SORCS2: variants seen among roughly 807,000 people sequenced by gnomAD.
SORCS2 encodes sortilin related VPS10 domain containing receptor 2.
SORCS2 carries 100 observed loss-of-function variants against 141.6 expected under a neutral mutation model. The ratio of observed to expected loss-of-function variants is 0.71; its 90% CI spans 0.60 to 0.83. The LOEUF is 0.83. Among genes scored for constraint, SORCS2 ranks in the 40% least tolerant of loss-of-function variants. The pLI, the probability that SORCS2 is intolerant of heterozygous loss-of-function variation, is 0.00. For missense variants in SORCS2, 1,646 were observed against 1,560.2 expected (o/e 1.05, Z -0.93); for synonymous variants, 789 against 676.9 (o/e 1.17, Z -2.57).
chr4:7,721,311 C>T (rs1173790669), intron 18 of SORCS2, among the ~76,000 whole-genome samples: 1 of 151,996 alleles, frequency 6.6e-6, no homozygotes, highest in Non-Finnish European at 1.5e-5. Flanking sequence ...CTAAAAAAAA[C>T]AAAACTTAGC....
At chr4:7,691,595 C>A (rs1724260196) in intron 11 of SORCS2, among the ~76,000 whole-genome samples, 1 of 152,130 alleles carries the variant, frequency 6.6e-6, no homozygotes, top group East Asian at 1.9e-4. Flanking sequence ...CCCATCTGGA[C>A]AGCCTCTGTC....
intron 8 of SORCS2, among the ~76,000 whole-genome samples, chr4:7,671,584 G>A (rs922107767): frequency 1.3e-5 from 2 of 152,002 alleles, no homozygotes; most frequent in Non-Finnish European, 2.9e-5. Flanking sequence ...TTTACTAGAG[G>A]GATTCGAAAG....
At chr4:7,520,809 C>T (rs906292547) in intron 2 of SORCS2, among the ~76,000 whole-genome samples, 7 of 152,224 alleles carry the variant, frequency 4.6e-5, no homozygotes, top group Admixed American at 1.3e-4. Flanking sequence ...CCATGGGTAA[C>T]GCACAGGTGA....
intron 1 of SORCS2, among the ~76,000 whole-genome samples, chr4:7,390,564 C>T (rs573090835): frequency 8.2e-4 from 125 of 152,286 alleles, no homozygotes; most frequent in African/African-American, 2.9e-3. Flanking sequence ...GGGATTATTG[C>T]GCGTCTCTCC....
intron 2 of SORCS2, among the ~76,000 whole-genome samples, chr4:7,437,331 A>G (rs1727374411): frequency 6.6e-6 from 1 of 152,234 alleles, no homozygotes; most frequent in African/African-American, 2.4e-5. Flanking sequence ...GAGGCTGTGT[A>G]CAAGGCAAGG....
At position 7,729,697 on chromosome 4, in the gene SORCS2, C is replaced by A. The variant is rs907763419; in HGVS notation, c.3093C>A (p.Ser1031Arg). The change falls in exon 23 of 27, where the codon AGC becomes AGA. Residue 1031 changes from serine to arginine, a missense_variant. Ser to Arg is a moderately radical substitution (Grantham distance 110). Coordinates refer to ENST00000507866, the MANE Select transcript of SORCS2 (RefSeq NM_020777.3). ...CTCCCAGGCCCACAAGGAAGAGGAG[C>A]CTCTCGAGTGATAAGGTATGTCCTG... ...LPPPRPTRKR[S>R]LSSDKRLAAI... 9 of 1,610,872 alleles carry A rather than the reference C, an allele frequency of 5.6e-6. No homozygotes were observed. Among genetic ancestry groups the A allele is most frequent in the South Asian group, 1.1e-5 (1 of 90,124 alleles).
chr4:7,282,182 A>T (rs1264887370), intron 1 of SORCS2, among the ~76,000 whole-genome samples: 2 of 152,164 alleles, frequency 1.3e-5, no homozygotes, highest in Non-Finnish European at 1.5e-5. Flanking sequence ...AGATGGGAAG[A>T]TCCTATCAGT....
Position 7,697,203 on chromosome 4 carries a change from C to G in SORCS2, c.1597C>G (p.Leu533Val). 6.3e-7 allele frequency: 1 copy of G among 1,581,064 alleles called. No individual in the cohort carries two copies. Among genetic ancestry groups the G allele is most frequent in the South Asian group, 1.2e-5 (1 of 85,900 alleles). ...CCCCTTTTCTTTTGGACCAGGTAAC[C>G]TGGGCTCACAGCTGGTGGAATATAA... ...APGLIMGAGN[L>V]GSQLVEYKEE... Residue 533 changes from leucine to valine, a missense_variant, in exon 12 of 27, where the codon CTG becomes GTG. Physicochemically the swap from Leu to Val is conservative, Grantham distance 32. Transcript: ENST00000507866.
chr4:7,436,311 A>G (rs1727295589), intron 2 of SORCS2, among the ~76,000 whole-genome samples: 1 of 152,226 alleles, frequency 6.6e-6, no homozygotes, highest in Non-Finnish European at 1.5e-5. Flanking sequence ...CTATGGGCTT[A>G]TGATGGGCCT....
At chr4:7,436,452 C>T (rs983552510) in intron 2 of SORCS2, among the ~76,000 whole-genome samples, 2 of 152,252 alleles carry the variant, frequency 1.3e-5, no homozygotes, top group African/African-American at 4.8e-5. Flanking sequence ...GCCAGACTTC[C>T]TGCGAGTCTC....
At chr4:7,231,670 G>C (rs1385111477) in intron 1 of SORCS2, among the ~76,000 whole-genome samples, 1 of 152,218 alleles carries the variant, frequency 6.6e-6, no homozygotes, top group Non-Finnish European at 1.5e-5. Flanking sequence ...GGACCATCCT[G>C]CACCAGGGGC....
chr4:7,290,145 A>G (rs867143374), intron 1 of SORCS2, among the ~76,000 whole-genome samples: 4 of 152,156 alleles, frequency 2.6e-5, no homozygotes, highest in Non-Finnish European at 2.9e-5. Flanking sequence ...GGCTGGCCCC[A>G]GGGGAGGTGG....
At chr4:7,662,518 C>G (rs905429530) in intron 6 of SORCS2, among the ~76,000 whole-genome samples, 3 of 152,290 alleles carry the variant, frequency 2.0e-5, no homozygotes, top group East Asian at 3.9e-4. Context: ...CTACTGATCA[C>G]CTGTGTCCCC....
At chr4:7,488,931 C>G (rs1731153014) in intron 2 of SORCS2, among the ~76,000 whole-genome samples, 1 of 152,212 alleles carries the variant, frequency 6.6e-6, no homozygotes, top group Non-Finnish European at 1.5e-5. Context: ...TCCGCACTTG[C>G]TTGGACTACC....
chr4:7,451,092 CTGAGTGAGTGAA>C (rs1190052942), intron 2 of SORCS2, among the ~76,000 whole-genome samples: 2 of 151,244 alleles, frequency 1.3e-5, no homozygotes, highest in African/African-American at 2.4e-5. Context: ...GCATGAGTGA[CTGAGTGAGTGAA>C]TGAGTGAGTG....
intron 1 of SORCS2, among the ~76,000 whole-genome samples, chr4:7,212,129 A>C (rs1314834570): frequency 7.2e-5 from 11 of 151,940 alleles, no homozygotes; most frequent in African/African-American, 2.2e-4. Context: ...GCTGCAGAGG[A>C]AGTCTTTCCT....
chr4:7,462,576 G>A (rs1459787364), intron 2 of SORCS2, among the ~76,000 whole-genome samples: 1 of 151,946 alleles, frequency 6.6e-6, no homozygotes, highest in Non-Finnish European at 1.5e-5. Context: ...GCGACTCACA[G>A]TCCAAGCATG....
intron 1 of SORCS2, among the ~76,000 whole-genome samples, chr4:7,320,805 C>T (rs1485071112): frequency 2.0e-5 from 3 of 152,162 alleles, no homozygotes; most frequent in Non-Finnish European, 4.4e-5. Flanking sequence ...TTGTCATTCA[C>T]ACTCGCTCAG....
chr4:7,614,192 C>T (rs1718605357), intron 3 of SORCS2, among the ~76,000 whole-genome samples: 1 of 151,636 alleles, frequency 6.6e-6, no homozygotes, highest in African/African-American at 2.4e-5. Flanking sequence ...ATCCATTCAT[C>T]CATCCACCTA....
Sources: gnomAD v4.1 joint callset for allele counts (sites outside exome capture counted in the v4.1 genomes callset) on GRCh38, gnomAD v4.1.1 for gene constraint, MANE v1.5 for transcripts, NCBI Gene and HGNC (gene_info 2026-07-23, HGNC 2026-07-21) for gene names.